The following CTNND2 variants were observed in gnomAD, a reference collection of about 807,000 sequenced individuals.
The protein encoded by CTNND2 is catenin delta 2.
A neutral mutation model predicts 144.4 loss-of-function variants in CTNND2; 22 were observed. The observed-to-expected ratio is 0.15, with a 90% CI of 0.11 to 0.22. CTNND2 has a LOEUF of 0.22. CTNND2 is among the 10% of genes least tolerant of loss of function. The probability of loss-of-function intolerance (pLI) is 1.00; values close to 1 mark genes in which losing one functional copy is unlikely to be tolerated. For missense variants in CTNND2, 1,353 were observed against 1,618.8 expected (o/e 0.84, Z 2.82); for synonymous variants, 751 against 695.6 (o/e 1.08, Z -1.25).
chr5:11,835,809 T>A (rs1035740438), intron 1 of CTNND2, among the ~76,000 whole-genome samples: 1 of 152,196 alleles, frequency 6.6e-6, no homozygotes, highest in Admixed American at 6.5e-5. Context: ...TTCCATTGAT[T>A]TCTACTATTG....
chr5:11,726,408 A>G (rs1787021058), intron 2 of CTNND2, among the ~76,000 whole-genome samples: 1 of 152,188 alleles, frequency 6.6e-6, no homozygotes, highest in Non-Finnish European at 1.5e-5. Flanking sequence ...TCTTATATTC[A>G]TATAAAAAGT....
chr5:11,192,256 GT>G (rs1349822187), intron 11 of CTNND2, among the ~76,000 whole-genome samples: 1 of 152,148 alleles, frequency 6.6e-6, no homozygotes, highest in Non-Finnish European at 1.5e-5. Flanking sequence ...CCCAATTCAG[GT>G]TAAGTCCACA....
At chr5:11,379,469 A>G (rs1198545273) in intron 7 of CTNND2, among the ~76,000 whole-genome samples, 1 of 152,170 alleles carries the variant, frequency 6.6e-6, no homozygotes, top group Non-Finnish European at 1.5e-5. Flanking sequence ...CAGTTTTTAA[A>G]TCTGTAGAAT....
rs762883023 is a variant in CTNND2 at position 11,018,051 on chromosome 5, G to T, written c.3007C>A (p.Pro1003Thr). 33 of 1,612,516 alleles carry T rather than the reference G, an allele frequency of 2.0e-5. No homozygotes were observed. The highest frequency in any genetic ancestry group is 2.6e-5 in the Non-Finnish European group (31 of 1,178,684). Reference protein sequence around the residue: ...ISKSKGDKHSPKVVKAASQVL... With the variant: ...ISKSKGDKHSTKVVKAASQVL... ...TGAGATGCAGCCTTGACCACTTTTG[G>T]AGAGTGTCTGATGAAGAAAAGACAG... is the stretch of plus-strand genomic sequence containing the variant. The change falls in exon 18 of 22, where the codon CCA becomes ACA. Residue 1003 changes from proline to threonine, a missense_variant. Transcript: ENST00000304623.
intron 8 of CTNND2, among the ~76,000 whole-genome samples, chr5:11,356,017 C>G (rs1755835567): frequency 6.6e-6 from 1 of 151,776 alleles, no homozygotes; most frequent in Non-Finnish European, 1.5e-5. Context: ...ACACTGAAAA[C>G]TATAAAACTT....
chr5:11,260,493 T>C (rs1744751507), intron 9 of CTNND2, among the ~76,000 whole-genome samples: 1 of 152,162 alleles, frequency 6.6e-6, no homozygotes, highest in Non-Finnish European at 1.5e-5. Context: ...TCATGTAATA[T>C]ATGTAAAAAG....
chr5:11,129,170 T>A (rs2023919), intron 12 of CTNND2, among the ~76,000 whole-genome samples: 10,971 of 23,424 alleles, frequency 0.47, 3,195 homozygotes, highest in East Asian at 0.73. Context: ...TATTATATAT[T>A]ATATATTTTA....
intron 2 of CTNND2, among the ~76,000 whole-genome samples, chr5:11,626,573 A>C: frequency 6.6e-6 from 1 of 152,142 alleles, no homozygotes; most frequent in South Asian, 2.1e-4. Flanking sequence ...GAGTCCTGGA[A>C]TGTGTTTTCA....
chr5:11,652,121 A>G (rs1021659773), intron 2 of CTNND2, among the ~76,000 whole-genome samples: 1 of 152,098 alleles, frequency 6.6e-6, no homozygotes, highest in Admixed American at 6.6e-5. Context: ...GTAATCCCCA[A>G]TGTTGGAGGT....
At chr5:11,478,825 G>C (rs1767987766) in intron 3 of CTNND2, among the ~76,000 whole-genome samples, 1 of 152,078 alleles carries the variant, frequency 6.6e-6, no homozygotes, top group African/African-American at 2.4e-5. Flanking sequence ...TGAATATAAA[G>C]AAATTCATCA....
chr5:11,551,723 C>T lies in CTNND2; in HGVS notation c.287+13221G>A, dbSNP rs573071901. 2.0e-5 allele frequency among the ~76,000 whole-genome samples: 3 copies of T among 152,234 alleles called. No individual in the cohort carries two copies. In the East Asian group the frequency reaches 5.8e-4, roughly 29 times the overall value. On this transcript the variant is annotated intron_variant, in intron 3 of 21. Transcript: ENST00000304623. ...AAGTGATTCTACTGCCTCAGCCTCC[C>T]CAGTAGCTGGGATTACAGGCACCCG... is the stretch of plus-strand genomic sequence containing the variant.
chr5:11,402,210 C>G (rs908104286), intron 5 of CTNND2, among the ~76,000 whole-genome samples: 1 of 152,118 alleles, frequency 6.6e-6, no homozygotes, highest in Non-Finnish European at 1.5e-5. Context: ...TCTCCGTTTC[C>G]TCAGCCTGAA....
chr5:11,158,775 A>C (rs1758469317), intron 12 of CTNND2, among the ~76,000 whole-genome samples: 1 of 152,188 alleles, frequency 6.6e-6, no homozygotes, highest in Non-Finnish European at 1.5e-5. Flanking sequence ...TTCACTTTCA[A>C]AATATAGATT....
At chr5:11,772,435 G>A (rs1183927183) in intron 1 of CTNND2, among the ~76,000 whole-genome samples, 1 of 152,116 alleles carries the variant, frequency 6.6e-6, no homozygotes, top group Non-Finnish European at 1.5e-5. Context: ...GTCCATAGAA[G>A]AGCTCACAGA....
In CTNND2 at chr5:11,068,911, C is replaced by T. The variant is rs1962799; in HGVS notation, c.2788+13785G>A. Reference sequence around the variant, plus strand: ...CAGCCTGGGCGACAGAGCGAGACTCCGTCTCAAAAATAAAAACAACAACAA... The same window carrying T: ...CAGCCTGGGCGACAGAGCGAGACTCTGTCTCAAAAATAAAAACAACAACAA... On this transcript the variant is annotated intron_variant, in intron 16 of 21. Transcript: ENST00000304623. 1.7e-3 allele frequency among the ~76,000 whole-genome samples: 262 copies of T among 152,218 alleles called. 4 individuals carry two copies. In the East Asian group the frequency reaches 0.044, roughly 26 times the overall value.
intron 2 of CTNND2, among the ~76,000 whole-genome samples, chr5:11,722,675 G>A (rs1404252390): frequency 2.0e-5 from 3 of 152,114 alleles, no homozygotes; most frequent in Non-Finnish European, 4.4e-5. Context: ...AGGTGGGGGC[G>A]GAAAGCCCCT....
intron 7 of CTNND2, among the ~76,000 whole-genome samples, chr5:11,382,539 A>AGTG (rs1758596353): frequency 6.6e-6 from 1 of 151,254 alleles, no homozygotes; most frequent in Non-Finnish European, 1.5e-5. Flanking sequence ...TGGATGTTGC[A>AGTG]GTGAGCCGAG....
intron 9 of CTNND2, among the ~76,000 whole-genome samples, chr5:11,334,925 A>C (rs1753585360): frequency 6.6e-6 from 1 of 152,266 alleles, no homozygotes; most frequent in African/African-American, 2.4e-5. Context: ...ATAATGAAAA[A>C]GTGAGGATAC....
intron 3 of CTNND2, among the ~76,000 whole-genome samples, chr5:11,486,223 A>T (rs1768803665): frequency 1.3e-5 from 2 of 152,310 alleles, no homozygotes; most frequent in Middle Eastern, 3.4e-3. Flanking sequence ...CCAGTAGATC[A>T]TACTAGGTGA....
Sources: gnomAD v4.1 joint callset for allele counts (sites outside exome capture counted in the v4.1 genomes callset) on GRCh38, gnomAD v4.1.1 for gene constraint, MANE v1.5 for transcripts, NCBI Gene and HGNC (gene_info 2026-07-23, HGNC 2026-07-21) for gene names.